Variants in STK36 observed in about 807,000 individuals in gnomAD.
STK36 encodes the protein serine/threonine kinase 36, also known as serine/threonine-protein kinase 36.
Under a neutral mutation model 142.2 loss-of-function variants are expected in STK36, and 116 were observed. The ratio of observed to expected loss-of-function variants is 0.82; its 90% CI spans 0.70 to 0.95. The LOEUF (loss-of-function observed/expected upper bound fraction) is 0.95. Among genes scored for constraint, STK36 ranks in the 40% least tolerant of loss-of-function variants. STK36 has a pLI of 0.00. For missense variants in STK36, 1,422 were observed against 1,617.2 expected, an observed-to-expected ratio of 0.88 and a Z score of 2.07; for synonymous variants, 619 against 641.7, an observed-to-expected ratio of 0.96 and a Z score of 0.53.
chr2:218,673,536 T>G, intron 2 of STK36, 89 bp from the exon 3 acceptor site: 1 of 1,496,922 alleles, frequency 6.7e-7, no homozygotes, highest in Non-Finnish European at 8.9e-7. Context: ...CTCTAAAATC[T>G]GACTTCTGGA....
Position 218,693,752 on chromosome 2 carries a change from G to C in STK36, c.2178G>C (p.Glu726Asp), listed in dbSNP as rs199511353. 87 of 1,613,998 alleles carry C rather than the reference G, an allele frequency of 5.4e-5. No homozygotes were observed. The highest frequency in any genetic ancestry group is 4.9e-5 in the Non-Finnish European group (58 of 1,180,050). ...KVLYSCCLVSEGLCRLLGQEP... is the reference protein window; with the variant it reads ...KVLYSCCLVSDGLCRLLGQEP... ...TATACTCCTGCTGCCTTGTCAGTGA[G>C]GGCCTGTGCCGTCTTCTGGGGCAGG... Residue 726 changes from glutamate to aspartate, a missense_variant, in exon 18 of 27, where the codon GAG becomes GAC. By Grantham distance (45) the Glu-to-Asp change is conservative. Transcript: ENST00000295709.
rs1326928931 is a variant in STK36 at position 218,675,211 on chromosome 2, G to T, written c.304-132G>T. The T allele has an allele frequency of 7.3e-6, 7 of 958,042 alleles. No homozygotes were observed. In the East Asian group the frequency reaches 1.6e-4, roughly 22 times the overall value. 59.3% of individuals were successfully genotyped at this position (958,042 alleles called of 1,614,324 possible). A position where few individuals can be genotyped will look rare whatever the true frequency, so the allele number is the denominator to read the frequency against. On this transcript the variant is annotated intron_variant, in intron 4 of 26. Coordinates refer to ENST00000295709, the MANE Select transcript of STK36 (RefSeq NM_015690.5). ...AACAAGGGGAACAATAACTAAGAAA[G>T]AATAGTGTGAAGCTCTGCAAGAAAG...
chr2:218,685,602 A>G (rs1380664568), intron 11 of STK36, among the ~76,000 whole-genome samples: 1 of 152,166 alleles, frequency 6.6e-6, no homozygotes, highest in African/African-American at 2.4e-5. Context: ...TAAATATACA[A>G]TATTTTGTAC....
At position 218,672,810 on chromosome 2, in the gene STK36, G is replaced by A; in HGVS notation, c.-20G>A. On this transcript the variant is annotated 5_prime_UTR_variant, in exon 2 of 27. Coordinates refer to ENST00000295709, the MANE Select transcript of STK36 (RefSeq NM_015690.5). ...ACCGTCTCTACTTTCTTCCTTCTAA[G>A]AGATCCTGAAACCTCTGTCATGGAA... 2 of 1,613,242 alleles carry A rather than the reference G, an allele frequency of 1.2e-6. No individual in the cohort carries two copies. Among genetic ancestry groups the A allele is most frequent in the Non-Finnish European group, 1.7e-6 (2 of 1,179,266 alleles).
At chr2:218,674,107 G>A in intron 4 of STK36, 151 bp downstream of exon 4, 1 of 747,304 alleles carries the variant, frequency 1.3e-6, no homozygotes, top group African/African-American at 1.8e-5. Flanking sequence ...TGTAGTGTGG[G>A]AGTAAATTAT....
At chr2:218,674,944 T>C (rs1160426376) in intron 4 of STK36, among the ~76,000 whole-genome samples, 3 of 152,160 alleles carry the variant, frequency 2.0e-5, no homozygotes, top group Admixed American at 6.5e-5. Flanking sequence ...TGACTACTTT[T>C]CTTGAAAAAA....
chr2:218,676,835 A>G (rs1283884241), intron 6 of STK36, among the ~76,000 whole-genome samples: 1 of 151,666 alleles, frequency 6.6e-6, no homozygotes, highest in East Asian at 1.9e-4. Context: ...ATTTTTTAGT[A>G]GAGACGGGGT....
At chr2:218,684,164 T>C (rs1190533083) in intron 10 of STK36, among the ~76,000 whole-genome samples, 1 of 141,496 alleles carries the variant, frequency 7.1e-6, no homozygotes, top group Admixed American at 7.6e-5. Flanking sequence ...CAGGCTGGAG[T>C]GCAATGGCAC....
Position 218,688,889 on chromosome 2 carries a change from C to T in STK36, c.1560+13C>T, listed in dbSNP as rs1318994541. ...CAGCCTCCAGCAGGTAAGCACCAGG[C>T]CAGAAGCCTCTGAAGACTTACAGAG... On this transcript the variant is annotated intron_variant, in intron 12 of 26. Transcript: ENST00000295709. The T allele has an allele frequency of 6.3e-7, 1 of 1,588,092 alleles. No individual in the cohort carries two copies. Among genetic ancestry groups the T allele is most frequent in the Admixed American group, 1.8e-5 (1 of 54,126 alleles).
chr2:218,685,156 T>G lies in STK36; in HGVS notation c.1308T>G (p.Ala436=). ...TTEPVPIQLK[A]PLTLLCNPDF... ...AGCCTGTGCCTATTCAACTGAAGGC[T>G]CCTCTCACCTTGCTGTGTAATCCTG... Residue 436 remains alanine, a synonymous_variant, in exon 11 of 27, where the codon GCT becomes GCG. Transcript: ENST00000295709. 1 of 1,614,204 alleles carries G rather than the reference T, an allele frequency of 6.2e-7. No homozygotes were observed. Among genetic ancestry groups the G allele is most frequent in the Non-Finnish European group, 8.5e-7 (1 of 1,180,032 alleles).
Position 218,692,671 on chromosome 2 carries a change from TC to T in STK36, c.2006del (p.Pro669LeufsTer22). 2 of 1,613,520 alleles carry T rather than the reference TC, an allele frequency of 1.2e-6. No homozygotes were observed. Among genetic ancestry groups the T allele is most frequent in the South Asian group, 1.1e-5 (1 of 90,976 alleles). On this transcript the variant is annotated frameshift_variant, in exon 16 of 27. Transcript: ENST00000295709. LOFTEE classifies it high-confidence loss of function. ...SSALAAICTA[P>X]VGLPDCWDAK... ...CTGCCCTGGCAGCCATATGCACTGCTCCTGTGGGACTGCCCGACTGCTGGGA... is the reference window on the plus strand; with the variant it reads ...CTGCCCTGGCAGCCATATGCACTGCTCTGTGGGACTGCCCGACTGCTGGGA...
chr2:218,696,121 C>CAAA (rs1423414527), intron 21 of STK36, among the ~76,000 whole-genome samples: 1 of 151,832 alleles, frequency 6.6e-6, no homozygotes, highest in African/African-American at 2.4e-5. Context: ...CTCAGCCTCC[C>CAAA]AAAGTGCTGG....
intron 12 of STK36, 83 bp downstream of exon 12, chr2:218,688,959 T>C: frequency 7.4e-7 from 1 of 1,353,656 alleles, no homozygotes; most frequent in Non-Finnish European, 9.9e-7. Context: ...CATCTCTCTT[T>C]GGTCTGACTG....
chr2:218,679,784 A>G, intron 8 of STK36, 55 bp downstream of exon 8: 9 of 1,611,166 alleles, frequency 5.6e-6, no homozygotes, highest in Non-Finnish European at 7.6e-6. Context: ...CTGGGGAGTT[A>G]GAGGAGGAGG....
intron 21 of STK36, among the ~76,000 whole-genome samples, chr2:218,696,012 C>T (rs1377125447): frequency 6.6e-6 from 1 of 150,854 alleles, no homozygotes; most frequent in African/African-American, 2.4e-5. Context: ...AACAGGTGCA[C>T]ACCTCCATGC....
At chr2:218,677,427 G>A (rs1381716613) in intron 6 of STK36, among the ~76,000 whole-genome samples, 1 of 152,200 alleles carries the variant, frequency 6.6e-6, no homozygotes, top group Non-Finnish European at 1.5e-5. Flanking sequence ...GCTGGGCCAG[G>A]CAGCCTTGCT....
chr2:218,672,596 A>G, intron 1 of STK36, 145 bp from the exon 2 acceptor site: 1 of 480,478 alleles, frequency 2.1e-6, no homozygotes. Context: ...GAAAGTGGGG[A>G]GGAACTACAA....
At position 218,672,808 on chromosome 2, in the gene STK36, A is replaced by T. The variant is rs1180483085; in HGVS notation, c.-22A>T. ...TCACCGTCTCTACTTTCTTCCTTCT[A>T]AGAGATCCTGAAACCTCTGTCATGG... On this transcript the variant is annotated 5_prime_UTR_variant, in exon 2 of 27. An upstream open reading frame in the 5' UTR loses its in-frame stop. Coordinates refer to ENST00000295709, the MANE Select transcript of STK36 (RefSeq NM_015690.5). The T allele has an allele frequency of 6.2e-7, 1 of 1,612,540 alleles. No individual in the cohort carries two copies. The highest frequency in any genetic ancestry group is 1.3e-5 in the African/African-American group (1 of 74,998).
chr2:218,697,327 A>G, intron 23 of STK36, 114 bp downstream of exon 23: 1 of 1,514,068 alleles, frequency 6.6e-7, no homozygotes. Context: ...GCCTGGGGAC[A>G]GGAAGCAGTG....
Sources: gnomAD v4.1 joint callset for allele counts (sites outside exome capture counted in the v4.1 genomes callset) on GRCh38, gnomAD v4.1.1 for gene constraint, MANE v1.5 for transcripts, NCBI Gene and HGNC (gene_info 2026-07-23, HGNC 2026-07-21) for gene names.